MAP3K13: variants seen among roughly 807,000 people sequenced by gnomAD.
MAP3K13 encodes the protein mitogen-activated protein kinase kinase kinase 13, also known as leucine zipper-bearing kinase.
Under a neutral mutation model 104.0 loss-of-function variants are expected in MAP3K13, and 52 were observed. The ratio of observed to expected loss-of-function variants is 0.50; its 90% CI spans 0.40 to 0.63. The LOEUF (loss-of-function observed/expected upper bound fraction) is 0.63, where lower values mean the gene tolerates loss of function less well. Ranked by LOEUF, MAP3K13 falls within the 20% of genes least tolerant of loss-of-function variation. MAP3K13 has a pLI of 0.00. For missense variants in MAP3K13, 914 were observed against 1,218.5 expected (o/e 0.75, Z 3.72); for synonymous variants, 394 against 442.2 (o/e 0.89, Z 1.37).
intron 1 of MAP3K13, among the ~76,000 whole-genome samples, chr3:185,394,512 T>C (rs4687296): frequency 0.71 from 108,073 of 152,008 alleles, 38,852 homozygotes; most frequent in Non-Finnish European, 0.77. Context: ...ATGAAAGACG[T>C]ATATGTTGGA....
intron 7 of MAP3K13, among the ~76,000 whole-genome samples, chr3:185,457,449 G>A (rs893585568): frequency 1.2e-4 from 19 of 152,326 alleles, no homozygotes; most frequent in Admixed American, 1.0e-3. Flanking sequence ...GTGAGGGCCT[G>A]AGTTCTGGTT....
chr3:185,448,011 G>A, intron 5 of MAP3K13, 64 bp downstream of exon 5: 9 of 1,498,946 alleles, frequency 6.0e-6, no homozygotes, highest in Non-Finnish European at 8.3e-6. Flanking sequence ...TATTAGCACT[G>A]TCTTCCTTCA....
At chr3:185,360,577 A>T (rs1407890127), upstream of MAP3K13, among the ~76,000 whole-genome samples, 1 of 152,136 alleles carries the variant, frequency 6.6e-6, no homozygotes. Flanking sequence ...TTCCTGTGGT[A>T]CAGGAAGCAT....
intron 2 of MAP3K13, among the ~76,000 whole-genome samples, chr3:185,434,797 A>G (rs970075412): frequency 6.6e-6 from 1 of 152,112 alleles, no homozygotes; most frequent in Non-Finnish European, 1.5e-5. Flanking sequence ...TTGAGTAAAT[A>G]GGGTAAAAAA....
chr3:185,396,205 T>C (rs11719216), intron 1 of MAP3K13, among the ~76,000 whole-genome samples: 106,495 of 151,610 alleles, frequency 0.7, 38,003 homozygotes, highest in Non-Finnish European at 0.77. Flanking sequence ...ACCCCGTCTC[T>C]ACTAAAAATA....
At position 185,473,330 on chromosome 3, in the gene MAP3K13, G is replaced by A. The variant is rs564401067; in HGVS notation, c.1999G>A (p.Ala667Thr). 3.7e-6 allele frequency: 6 copies of A among 1,614,140 alleles called. No homozygotes were observed. Among genetic ancestry groups the A allele is most frequent in the South Asian group, 1.1e-5 (1 of 91,072 alleles). The change falls in exon 11 of 14, where the codon GCC (alanine) becomes ACC (threonine). Residue 667 changes from alanine (A) to threonine (T), a missense_variant. By Grantham distance (58) the Ala-to-Thr change is moderately conservative (BLOSUM62 0). Coordinates refer to ENST00000265026, the MANE Select transcript of MAP3K13 (RefSeq NM_004721.5). This position sits in a 1 kb window ranked among gnomAD's most constrained non-coding sequence, Gnocchi z 4.9. ...GCACGGACAGGACATAGCAACCTGC[G>A]CCAACAACCTGAGGTATTTCGGCCC... Reference protein sequence around the residue: ...NMHGQDIATCANNLRYFGPAA... With the variant: ...NMHGQDIATCTNNLRYFGPAA...
chr3:185,395,919 T>C (rs1348120284), intron 1 of MAP3K13, among the ~76,000 whole-genome samples: 3 of 151,844 alleles, frequency 2.0e-5, no homozygotes, highest in African/African-American at 7.3e-5. Flanking sequence ...CTCAAAGCAA[T>C]CTGCCCATCT....
intron 7 of MAP3K13, among the ~76,000 whole-genome samples, chr3:185,457,417 G>A (rs1193013395): frequency 1.3e-5 from 2 of 152,186 alleles, no homozygotes; most frequent in African/African-American, 4.8e-5. Context: ...GAAGTCCAAG[G>A]CACCAGCAGA....
chr3:185,351,176 T>C (rs935787982), intron 2 of MAP3K13, among the ~76,000 whole-genome samples: 1 of 152,062 alleles, frequency 6.6e-6, no homozygotes, highest in Non-Finnish European at 1.5e-5. Context: ...ACATGGACAA[T>C]AGACATCAGG....
At chr3:185,284,899 T>C (rs943830927) in intron 1 of MAP3K13, among the ~76,000 whole-genome samples, 1 of 152,086 alleles carries the variant, frequency 6.6e-6, no homozygotes, top group African/African-American at 2.4e-5. Context: ...AATGAAATCT[T>C]GGCATGAATT....
intron 1 of MAP3K13, among the ~76,000 whole-genome samples, chr3:185,389,711 A>T (rs911900678): frequency 2.4e-4 from 36 of 152,054 alleles, no homozygotes; most frequent in Non-Finnish European, 4.7e-4. Context: ...AAAAAAAAAA[A>T]ATGAGGACCC....
chr3:185,427,979 T>C (rs1399190124), intron 1 of MAP3K13, among the ~76,000 whole-genome samples: 1 of 151,330 alleles, frequency 6.6e-6, no homozygotes. Flanking sequence ...CTTGGGAGGC[T>C]GAGGCAGGAG....
chr3:185,422,156 A>G (rs926797686), intron 1 of MAP3K13, among the ~76,000 whole-genome samples: 2 of 152,180 alleles, frequency 1.3e-5, no homozygotes, highest in African/African-American at 2.4e-5. Flanking sequence ...CCTTGGGAAT[A>G]GTTTTAGTGC....
intron 2 of MAP3K13, among the ~76,000 whole-genome samples, chr3:185,307,633 T>C (rs1410195654): frequency 8.0e-6 from 1 of 124,756 alleles, no homozygotes; most frequent in Admixed American, 1.0e-4. Context: ...AACCTCCGCC[T>C]CCCAGGTTAA....
intron 1 of MAP3K13, among the ~76,000 whole-genome samples, chr3:185,371,779 C>A (rs1724175364): frequency 6.6e-6 from 1 of 152,116 alleles, no homozygotes; most frequent in African/African-American, 2.4e-5. Flanking sequence ...GGGACTCAGA[C>A]TGAAAAAGAC....
At chr3:185,467,269 A>C (rs903847960) in intron 10 of MAP3K13, among the ~76,000 whole-genome samples, 3 of 152,218 alleles carry the variant, frequency 2.0e-5, no homozygotes, top group African/African-American at 7.2e-5. Flanking sequence ...GACCTCTGTC[A>C]ACCCCAGTGT....
intron 11 of MAP3K13, among the ~76,000 whole-genome samples, chr3:185,475,900 T>C (rs375583783): frequency 3.9e-5 from 6 of 152,344 alleles, no homozygotes; most frequent in African/African-American, 1.4e-4. Context: ...GCAGTTGATT[T>C]GGGCCGATCC....
chr3:185,473,122 C>T lies in MAP3K13; in HGVS notation c.1791C>T (p.Gly597=). 1 of 1,614,172 alleles carries T rather than the reference C, an allele frequency of 6.2e-7. No homozygotes were observed. Among genetic ancestry groups the T allele is most frequent in the Non-Finnish European group, 8.5e-7 (1 of 1,180,040 alleles). ...GCCACCGCCGAGGGAATAGCAGAGG[C>T]AGCCATAGTGACTTTGCCGCAATCT... is the stretch of plus-strand genomic sequence containing the variant. ...KPRHRRGNSR[G]SHSDFAAILK... The change falls in exon 11 of 14, where the codon GGC becomes GGT. Residue 597 remains glycine (G), a synonymous_variant. Coordinates refer to ENST00000265026, the MANE Select transcript of MAP3K13 (RefSeq NM_004721.5). This position sits in a 1 kb window ranked among gnomAD's most constrained non-coding sequence, Gnocchi z 4.9.
At chr3:185,330,778 G>T (rs1428419253) in intron 2 of MAP3K13, among the ~76,000 whole-genome samples, 1 of 152,146 alleles carries the variant, frequency 6.6e-6, no homozygotes, top group Non-Finnish European at 1.5e-5. Flanking sequence ...CCAGACCACT[G>T]CTCGTGCCCT....
Sources: allele counts gnomAD v4.1 joint callset (sites outside exome capture counted in the v4.1 genomes callset), GRCh38; gene constraint gnomAD v4.1.1; non-coding constraint Gnocchi (gnomAD v3.1); transcripts MANE v1.5; gene names NCBI Gene and HGNC (gene_info 2026-07-23, HGNC 2026-07-21).